ARHGAP32: variants seen among roughly 807,000 people sequenced by gnomAD.
ARHGAP32 encodes the protein Rho GTPase activating protein 32, also known as rho GTPase-activating protein 32.
In ARHGAP32, 51 loss-of-function variants were observed where a neutral mutation model predicts 186.5. That is an observed-to-expected ratio of 0.27 (90% confidence interval 0.22 to 0.35). ARHGAP32 has a LOEUF of 0.35. ARHGAP32 is among the 10% of genes least tolerant of loss of function. The pLI, the probability that ARHGAP32 is intolerant of heterozygous loss-of-function variation, is 1.00. For missense variants in ARHGAP32, 2,186 were observed against 2,623.5 expected (o/e 0.83, Z 3.64); for synonymous variants, 950 against 964.3 (o/e 0.99, Z 0.27).
intron 11 of ARHGAP32, among the ~76,000 whole-genome samples, chr11:129,023,656 T>C (rs1938698873): frequency 6.6e-6 from 1 of 152,186 alleles, no homozygotes; most frequent in African/African-American, 2.4e-5. Flanking sequence ...CAAAGCCTAC[T>C]TCAAAAAGTA....
In ARHGAP32 at chr11:128,970,556, C is replaced by T; in HGVS notation, c.4657G>A (p.Ala1553Thr). Residue 1553 changes from alanine (A) to threonine (T), a missense_variant, in exon 23 of 23, where the codon GCC becomes ACC. By Grantham distance (58) the Ala-to-Thr change is moderately conservative. Coordinates refer to ENST00000682385, the MANE Select transcript of ARHGAP32 (RefSeq NM_001378024.1). This position sits in a 1 kb window ranked among gnomAD's most constrained non-coding sequence, Gnocchi z 5.8. ...TGTCCAGATGCGTTTCTTCCTGGGGCCACATATGTGTTATAACGAAGACCC... is the reference window on the plus strand; with the variant it reads ...TGTCCAGATGCGTTTCTTCCTGGGGTCACATATGTGTTATAACGAAGACCC... Reference protein sequence around the residue: ...SMGLRYNTYVAPGRNASGHHS... With the variant: ...SMGLRYNTYVTPGRNASGHHS... 1 of 1,614,126 alleles carries T rather than the reference C, an allele frequency of 6.2e-7. No individual in the cohort carries two copies. Among genetic ancestry groups the T allele is most frequent in the East Asian group, 2.2e-5 (1 of 44,880 alleles).
chr11:128,970,546 C>T lies in ARHGAP32; in HGVS notation c.4667G>A (p.Arg1556Lys). Residue 1556 changes from arginine to lysine, a missense_variant, in exon 23 of 23, where the codon AGA (arginine) becomes AAA (lysine). Around this residue, in one of 5 missense-constraint regions of ARHGAP32, gnomAD observed 1,502 missense variants for 1,570.0 expected, o/e 0.96. Coordinates refer to ENST00000682385, the MANE Select transcript of ARHGAP32 (RefSeq NM_001378024.1). The surrounding 1 kb of genome is among the most constrained non-coding windows in gnomAD (Gnocchi z 5.8). ...CTTGGAGTGGTGTCCAGATGCGTTT[C>T]TTCCTGGGGCCACATATGTGTTATA... ...LRYNTYVAPG[R>K]NASGHHSKPC... The T allele has an allele frequency of 6.2e-7, 1 of 1,614,204 alleles. No homozygotes were observed. Among genetic ancestry groups the T allele is most frequent in the Non-Finnish European group, 8.5e-7 (1 of 1,180,034 alleles).
At chr11:129,010,925 T>C (rs1474350247) in intron 11 of ARHGAP32, among the ~76,000 whole-genome samples, 1 of 152,322 alleles carries the variant, frequency 6.6e-6, no homozygotes, top group South Asian at 2.1e-4. Flanking sequence ...TAAGAAAGCA[T>C]TCTTTAAGTA....
At chr11:129,048,671 A>G (rs1339106857) in intron 10 of ARHGAP32, among the ~76,000 whole-genome samples, 2 of 152,222 alleles carry the variant, frequency 1.3e-5, no homozygotes, top group African/African-American at 4.8e-5. Context: ...GAATGATAAT[A>G]CTAAGCATAA....
chr11:129,181,186 C>T (rs1050708610), intron 1 of ARHGAP32, among the ~76,000 whole-genome samples: 1 of 152,132 alleles, frequency 6.6e-6, no homozygotes, highest in Non-Finnish European at 1.5e-5. Flanking sequence ...AAATTTGGTT[C>T]TGGCTCTGCA....
At chr11:129,107,868 C>CAAAAAAA (rs71057924) in intron 5 of ARHGAP32, among the ~76,000 whole-genome samples, 15 of 93,380 alleles carry the variant, frequency 1.6e-4, no homozygotes, top group East Asian at 3.4e-4. Context: ...AACTATGTTT[C>CAAAAAAA]AAAAAAAAAA....
chr11:128,972,759 G>T lies in ARHGAP32; in HGVS notation c.3747C>A (p.Pro1249=), dbSNP rs534240110. Residue 1249 remains proline (P), a synonymous_variant, in exon 22 of 23, where the codon CCC becomes CCA. Transcript: ENST00000682385. ...HHPLEFADKS[P]TPPNLPSDKI... ...TATCGCTAGGTAAATTAGGAGGTGT[G>T]GGAGATTTGTCTGCAAATTCTAAAG... 2 of 1,613,916 alleles carry T rather than the reference G, an allele frequency of 1.2e-6. No individual in the cohort carries two copies. Among genetic ancestry groups the T allele is most frequent in the South Asian group, 2.2e-5 (2 of 91,050 alleles).
chr11:129,082,790 CCA>C (rs762284951), intron 6 of ARHGAP32, among the ~76,000 whole-genome samples: 1 of 151,506 alleles, frequency 6.6e-6, no homozygotes, highest in Non-Finnish European at 1.5e-5. Context: ...TACAAACAAC[CCA>C]CAGAGTGAGA....
chr11:129,011,182 A>G (rs1038094372), intron 11 of ARHGAP32, among the ~76,000 whole-genome samples: 4 of 152,328 alleles, frequency 2.6e-5, no homozygotes, highest in African/African-American at 9.6e-5. Context: ...TAACTACCTA[A>G]GTGTTTATAT....
chr11:128,988,459 T>C (rs1945944418), intron 12 of ARHGAP32, among the ~76,000 whole-genome samples: 1 of 152,198 alleles, frequency 6.6e-6, no homozygotes, highest in African/African-American at 2.4e-5. Flanking sequence ...AAGTGAACTG[T>C]TTAGTCCTAA....
intron 1 of ARHGAP32, among the ~76,000 whole-genome samples, chr11:129,265,088 A>G (rs1206583878): frequency 2.0e-5 from 3 of 152,176 alleles, no homozygotes; most frequent in African/African-American, 7.2e-5. Flanking sequence ...TAGAAACAAC[A>G]CAGAATACAA....
chr11:129,144,285 T>A (rs1943124317), intron 2 of ARHGAP32, among the ~76,000 whole-genome samples: 2 of 152,124 alleles, frequency 1.3e-5, no homozygotes, highest in Non-Finnish European at 2.9e-5. Context: ...TGAGTTCAGG[T>A]ATGAGTCTCC....
At position 129,207,914 on chromosome 11, in the gene ARHGAP32, T is replaced by C. The variant is rs144571102; in HGVS notation, c.-4-43487A>G. Among the ~76,000 whole-genome samples the C allele has an allele frequency of 3.4e-3, 520 of 152,268 alleles. 4 individuals carry two copies. The highest frequency in any genetic ancestry group is 0.012 in the African/African-American group (493 of 41,554). On this transcript the variant is annotated intron_variant, in intron 1 of 6. Coordinates refer to the ARHGAP32 transcript ENST00000525234. ...ATGGCACATTTAGAGGTTTTGAATG[T>C]TTCTCTTGTAACCAAAATGGGCTCT...
At chr11:129,201,875 C>A (rs1406628568) in intron 1 of ARHGAP32, among the ~76,000 whole-genome samples, 1 of 152,066 alleles carries the variant, frequency 6.6e-6, no homozygotes, top group Admixed American at 6.5e-5. Context: ...CCCAGCTACT[C>A]AGGAAGCTGA....
intron 5 of ARHGAP32, among the ~76,000 whole-genome samples, chr11:129,113,739 C>T (rs1450586547): frequency 6.6e-6 from 1 of 152,074 alleles, no homozygotes; most frequent in African/African-American, 2.4e-5. Context: ...GTAGGGATCG[C>T]TATGTATTTA....
intron 2 of ARHGAP32, among the ~76,000 whole-genome samples, chr11:129,126,645 C>T (rs185972676): frequency 2.6e-4 from 40 of 152,130 alleles, no homozygotes; most frequent in African/African-American, 8.0e-4. Context: ...CTAATAAAGA[C>T]GGCAAAACAA....
intron 1 of ARHGAP32, among the ~76,000 whole-genome samples, chr11:129,261,912 A>T (rs769320050): frequency 1.3e-5 from 2 of 152,204 alleles, no homozygotes; most frequent in African/African-American, 2.4e-5. Flanking sequence ...ACAAGAAAAA[A>T]ATCTTCAAGT....
intron 1 of ARHGAP32, among the ~76,000 whole-genome samples, chr11:129,220,582 C>T (rs1425368845): frequency 6.6e-6 from 1 of 152,152 alleles, no homozygotes; most frequent in African/African-American, 2.4e-5. Context: ...CCTCAATAAA[C>T]ACATACCCTC....
chr11:129,218,589 A>T (rs924491741), intron 1 of ARHGAP32, among the ~76,000 whole-genome samples: 2 of 152,188 alleles, frequency 1.3e-5, no homozygotes, highest in African/African-American at 4.8e-5. Flanking sequence ...TGTCAGAACT[A>T]TAAAAGGAGG....
Sources: gnomAD v4.1 joint callset for allele counts (sites outside exome capture counted in the v4.1 genomes callset) on GRCh38, gnomAD v4.1.1 for gene constraint, gnomAD v4.1.1 regional missense constraint, Gnocchi (gnomAD v3.1) non-coding constraint, MANE v1.5 for transcripts, NCBI Gene and HGNC (gene_info 2026-07-23, HGNC 2026-07-21) for gene names.